Variants in PTPRT observed in about 807,000 individuals in gnomAD.
The protein encoded by PTPRT is receptor-type tyrosine-protein phosphatase T.
PTPRT carries 56 observed loss-of-function variants against 176.8 expected under a neutral mutation model. The observed-to-expected ratio is 0.32, with a 90% CI of 0.26 to 0.40. The LOEUF is 0.40. PTPRT is among the 10% of genes least tolerant of loss of function. PTPRT has a pLI of 1.00. For synonymous variants in PTPRT, 783 were observed against 739.0 expected, an observed-to-expected ratio of 1.06 and a Z score of -0.96; for missense variants, 1,540 against 1,908.2, an observed-to-expected ratio of 0.81 and a Z score of 3.60.
chr20:42,273,374 C>A (rs1600762230), intron 13 of PTPRT, among the ~76,000 whole-genome samples: 1 of 152,254 alleles, frequency 6.6e-6, no homozygotes, highest in Non-Finnish European at 1.5e-5. Flanking sequence ...CACCACCATG[C>A]CAAGCTAATT....
chr20:42,423,201 A>G (rs79987735), intron 9 of PTPRT, among the ~76,000 whole-genome samples: 34 of 147,192 alleles, frequency 2.3e-4, no homozygotes, highest in African/African-American at 8.3e-4. Flanking sequence ...AAAAAAAAAA[A>G]GGAAGAGAAA....
At chr20:42,202,044 A>C (rs1479020075) in intron 15 of PTPRT, among the ~76,000 whole-genome samples, 5 of 151,666 alleles carry the variant, frequency 3.3e-5, no homozygotes, top group Non-Finnish European at 7.4e-5. Flanking sequence ...ATTTCAGCTC[A>C]CTGCAGCCTC....
chr20:42,460,533 G>A (rs531878475), intron 8 of PTPRT, among the ~76,000 whole-genome samples: 2 of 152,074 alleles, frequency 1.3e-5, no homozygotes, highest in African/African-American at 2.4e-5. Context: ...GATATGGTTT[G>A]GCTGTGACCC....
At chr20:42,250,192 T>C (rs2056527041) in intron 13 of PTPRT, among the ~76,000 whole-genome samples, 1 of 152,260 alleles carries the variant, frequency 6.6e-6, no homozygotes, top group African/African-American at 2.4e-5. Flanking sequence ...TCCAGTGGTC[T>C]GCAAACTCCT....
intron 7 of PTPRT, among the ~76,000 whole-genome samples, chr20:42,591,310 T>A (rs1342899134): frequency 1.3e-5 from 2 of 152,174 alleles, no homozygotes; most frequent in African/African-American, 4.8e-5. Flanking sequence ...AAGACTTCTA[T>A]GAAGGTTGAA....
At chr20:42,571,766 C>G (rs557945111) in intron 7 of PTPRT, among the ~76,000 whole-genome samples, 1 of 152,080 alleles carries the variant, frequency 6.6e-6, no homozygotes, top group Admixed American at 6.5e-5. Flanking sequence ...CCCACTGCCC[C>G]GGGGCAGTCA....
chr20:42,565,262 T>A (rs34528467), intron 7 of PTPRT, among the ~76,000 whole-genome samples: 33,692 of 152,020 alleles, frequency 0.22, 4,101 homozygotes, highest in African/African-American at 0.32. Context: ...AAACCCCACG[T>A]TGCTGTGTGA....
rs71193656 is a variant in PTPRT at position 42,315,184 on chromosome 20, C to CAAAAAAAAAA, written c.2139+529_2139+538dup. 7.9e-4 allele frequency among the ~76,000 whole-genome samples: 50 copies of CAAAAAAAAAA among 63,368 alleles called. 1 individual carries two copies. The highest frequency in any genetic ancestry group is 2.7e-3 in the African/African-American group (38 of 14,130). 41.6% of individuals were successfully genotyped at this position (63,368 alleles called of 152,430 possible). ...TGGGCGACAGAGCGAGGCTCCGTCTCAAAAAAAAAAAAAAAAAAAAAAAAA... is the reference window on the plus strand; with the variant it reads ...TGGGCGACAGAGCGAGGCTCCGTCTCAAAAAAAAAAAAAAAAAAAAAAAAAAAAAAAAAAA... On this transcript the variant is annotated intron_variant, in intron 12 of 30. Coordinates refer to ENST00000373187, the MANE Select transcript of PTPRT (RefSeq NM_007050.6).
the PTPRT span, among the ~76,000 whole-genome samples, chr20:42,051,865 G>A: frequency 2.0e-5 from 3 of 152,140 alleles, no homozygotes; most frequent in Admixed American, 1.3e-4. Flanking sequence ...GTTTTTGAGC[G>A]TCCACATTTT....
chr20:42,638,670 G>A (rs937738678), intron 7 of PTPRT, among the ~76,000 whole-genome samples: 3 of 152,112 alleles, frequency 2.0e-5, no homozygotes, highest in African/African-American at 7.2e-5. Context: ...AGCCACAAGT[G>A]ACAGAATGGA....
At chr20:42,671,317 T>G (rs901274050) in intron 7 of PTPRT, among the ~76,000 whole-genome samples, 48 of 152,194 alleles carry the variant, frequency 3.2e-4, no homozygotes, top group Non-Finnish European at 1.2e-4. Flanking sequence ...ACCCGAGATC[T>G]CCAGCAGTGA....
At chr20:43,082,622 AC>A (rs1367472483) in intron 1 of PTPRT, among the ~76,000 whole-genome samples, 1 of 152,122 alleles carries the variant, frequency 6.6e-6, no homozygotes, top group Non-Finnish European at 1.5e-5. Context: ...CATCTCCAGA[AC>A]CCTGAGCAGA....
intron 1 of PTPRT, among the ~76,000 whole-genome samples, chr20:43,112,240 A>C (rs2012894860): frequency 6.6e-6 from 1 of 152,220 alleles, no homozygotes; most frequent in Admixed American, 6.5e-5. Flanking sequence ...ATTGGATAGA[A>C]GGCAAAGTAG....
chr20:42,212,436 A>G (rs1287966990), intron 15 of PTPRT, among the ~76,000 whole-genome samples: 1 of 148,720 alleles, frequency 6.7e-6, no homozygotes, highest in Non-Finnish European at 1.5e-5. Flanking sequence ...AAAAAAAAAA[A>G]AGAATCAATA....
At chr20:42,811,968 T>C (rs2077703550) in intron 2 of PTPRT, among the ~76,000 whole-genome samples, 1 of 152,172 alleles carries the variant, frequency 6.6e-6, no homozygotes, top group Admixed American at 6.5e-5. Context: ...TTATATTCTA[T>C]TATATTCTTG....
At chr20:42,608,575 T>C (rs898368455) in intron 7 of PTPRT, among the ~76,000 whole-genome samples, 1 of 152,134 alleles carries the variant, frequency 6.6e-6, no homozygotes, top group Non-Finnish European at 1.5e-5. Flanking sequence ...GTCTGGGATA[T>C]CAAATGGGAA....
intron 9 of PTPRT, among the ~76,000 whole-genome samples, chr20:42,379,002 C>T (rs1259662713): frequency 6.6e-6 from 1 of 152,190 alleles, no homozygotes; most frequent in Non-Finnish European, 1.5e-5. Context: ...CAACCATTCC[C>T]CACTTGGTGC....
chr20:42,735,398 A>G (rs1456964443), intron 6 of PTPRT, among the ~76,000 whole-genome samples: 1 of 148,686 alleles, frequency 6.7e-6, no homozygotes, highest in Non-Finnish European at 1.5e-5. Flanking sequence ...TGGCAGAACC[A>G]TGACTTAAAC....
rs563682460 is a variant in PTPRT, at chr20:43,142,620, G to C, written c.88+47026C>G. 1.5e-3 allele frequency among the ~76,000 whole-genome samples: 235 copies of C among 151,816 alleles called. 8 individuals carry two copies. The South Asian group carries it at 0.047, about 30-fold the overall frequency. ...ATATATTTCAAGGTAAATAACAAGA[G>C]CTATAGCTACAATTTGTTGAACAGC... is the stretch of plus-strand genomic sequence containing the variant. On this transcript the variant is annotated intron_variant, in intron 1 of 30. Coordinates refer to ENST00000373187, the MANE Select transcript of PTPRT (RefSeq NM_007050.6).
Sources: gnomAD v4.1 joint callset for allele counts (sites outside exome capture counted in the v4.1 genomes callset) on GRCh38, gnomAD v4.1.1 for gene constraint, MANE v1.5 for transcripts, NCBI Gene and HGNC (gene_info 2026-07-23, HGNC 2026-07-21) for gene names.